The following ROR2 variants were observed in gnomAD, a reference collection of about 807,000 sequenced individuals.
The protein encoded by ROR2 is ROR family WNT receptor 2.
Under a neutral mutation model 74.9 loss-of-function variants are expected in ROR2, and 33 were observed. The ratio of observed to expected loss-of-function variants is 0.44; its 90% CI spans 0.33 to 0.59. The LOEUF (loss-of-function observed/expected upper bound fraction) is 0.59. ROR2 is among the 20% of genes least tolerant of loss of function. The probability of loss-of-function intolerance (pLI) is 0.02; values close to 1 mark genes in which losing one functional copy is unlikely to be tolerated. For missense variants in ROR2, 1,216 were observed against 1,313.8 expected, an observed-to-expected ratio of 0.93 and a Z score of 1.15; for synonymous variants, 586 against 558.7, an observed-to-expected ratio of 1.05 and a Z score of -0.69.
chr9:91,929,058 G>A (rs1439273264), intron 1 of ROR2, among the ~76,000 whole-genome samples: 1 of 152,244 alleles, frequency 6.6e-6, no homozygotes. Context: ...GGGCACTGTG[G>A]CTTTGTGCCT....
At chr9:91,919,514 T>A (rs1326338192) in intron 1 of ROR2, among the ~76,000 whole-genome samples, 1 of 152,184 alleles carries the variant, frequency 6.6e-6, no homozygotes, top group Non-Finnish European at 1.5e-5. Context: ...CTGCCCACCA[T>A]GAATCCTACA....
intron 1 of ROR2, among the ~76,000 whole-genome samples, chr9:91,902,702 C>T (rs979335131): frequency 2.6e-5 from 4 of 152,296 alleles, no homozygotes; most frequent in Admixed American, 6.5e-5. Flanking sequence ...AAGAAGAAAC[C>T]GCTTCATCAG....
intron 4 of ROR2, among the ~76,000 whole-genome samples, chr9:91,738,775 G>C (rs1160229778): frequency 6.6e-6 from 1 of 152,202 alleles, no homozygotes; most frequent in African/African-American, 2.4e-5. Context: ...CACAGGCGTA[G>C]GAGGTCAGAA....
chr9:91,783,247 GAC>G (rs1826683375), intron 1 of ROR2, among the ~76,000 whole-genome samples: 3 of 152,166 alleles, frequency 2.0e-5, no homozygotes, highest in Admixed American at 2.0e-4. Context: ...CACATTCTGA[GAC>G]ACAGAGGACT....
chr9:91,838,600 G>A (rs1334216196), intron 1 of ROR2, among the ~76,000 whole-genome samples: 1 of 152,180 alleles, frequency 6.6e-6, no homozygotes. Context: ...TACCACTGGG[G>A]AATGGGTCCC....
intron 1 of ROR2, among the ~76,000 whole-genome samples, chr9:91,856,618 G>A (rs1829296953): frequency 6.6e-6 from 1 of 152,170 alleles, no homozygotes; most frequent in South Asian, 2.1e-4. Flanking sequence ...GCAAGCCAAG[G>A]AGCAAGGCCT....
chr9:91,941,388 A>G (rs950352403), intron 1 of ROR2, among the ~76,000 whole-genome samples: 1 of 152,200 alleles, frequency 6.6e-6, no homozygotes, highest in African/African-American at 2.4e-5. Flanking sequence ...CAGGTTCACT[A>G]ATGTGTCACT....
Position 91,724,642 on chromosome 9 carries a change from T to C in ROR2, c.1852A>G (p.Thr618Ala). The change falls in exon 9 of 9, where the codon ACC (threonine) becomes GCC (alanine). Residue 618 changes from threonine (T) to alanine (A), a missense_variant. Physicochemically the swap from Thr to Ala is moderately conservative, Grantham distance 58. Transcript: ENST00000375708. ...TTGTCGTACACTAGCACATTGCGGG[T>C]GGCCAGGTCCTTGTGAACCACGTGG... ...SHHVVHKDLA[T>A]RNVLVYDKLN... 1 of 1,614,140 alleles carries C rather than the reference T, an allele frequency of 6.2e-7. No individual in the cohort carries two copies. Among genetic ancestry groups the C allele is most frequent in the Non-Finnish European group, 8.5e-7 (1 of 1,180,036 alleles).
intron 1 of ROR2, among the ~76,000 whole-genome samples, chr9:91,822,986 G>C (rs1828180004): frequency 6.6e-6 from 1 of 152,294 alleles, no homozygotes; most frequent in African/African-American, 2.4e-5. Context: ...TAATTCAAAG[G>C]TGCGACATTC....
intron 1 of ROR2, chr9:91,883,287 AG>A (rs1422639484): frequency 1.3e-5 from 2 of 152,256 alleles, no homozygotes; most frequent in Admixed American, 6.5e-5. Flanking sequence ...AAAGCTTCAC[AG>A]GAACTGGGGA....
In ROR2 at chr9:91,905,755, T is replaced by A. The variant is rs535566547; in HGVS notation, c.97+44112A>T. 1.1e-4 allele frequency among the ~76,000 whole-genome samples: 17 copies of A among 151,566 alleles called. No homozygotes were observed. The highest frequency in any genetic ancestry group is 8.4e-4 in the South Asian group (4 of 4,790). On this transcript the variant is annotated intron_variant, in intron 1 of 8. Coordinates refer to ENST00000375708, the MANE Select transcript of ROR2 (RefSeq NM_004560.4). This position sits in a 1 kb window ranked among gnomAD's most constrained non-coding sequence, Gnocchi z 5.3. Reference sequence around the variant, plus strand: ...GGGGTGGGGGGAGGGGCCATCACACTCTTTAGGGAGAGAAAATAGAAATTA... The same window carrying A: ...GGGGTGGGGGGAGGGGCCATCACACACTTTAGGGAGAGAAAATAGAAATTA...
chr9:91,929,872 T>C (rs1383318553), intron 1 of ROR2, among the ~76,000 whole-genome samples: 1 of 151,960 alleles, frequency 6.6e-6, no homozygotes, highest in East Asian at 1.9e-4. Context: ...ACCACAGAGT[T>C]TTCCCCGGGA....
intron 1 of ROR2, among the ~76,000 whole-genome samples, chr9:91,813,351 A>C (rs1827821718): frequency 6.6e-6 from 1 of 152,180 alleles, no homozygotes; most frequent in South Asian, 2.1e-4. Flanking sequence ...TGACTTGTCT[A>C]AATGTATTTA....
intron 1 of ROR2, among the ~76,000 whole-genome samples, chr9:91,781,657 G>A (rs1484588431): frequency 2.0e-5 from 3 of 152,164 alleles, no homozygotes; most frequent in Non-Finnish European, 2.9e-5. Context: ...TACCTAATTG[G>A]TAGTGGTCTT....
At position 91,905,519 on chromosome 9, in the gene ROR2, C is replaced by T. The variant is rs570427452; in HGVS notation, c.97+44348G>A. 5.3e-4 allele frequency among the ~76,000 whole-genome samples: 81 copies of T among 151,808 alleles called. No homozygotes were observed. Among genetic ancestry groups the T allele is most frequent in the Non-Finnish European group, 1.1e-3 (72 of 67,956 alleles). The stretch of plus-strand genomic sequence containing the variant: ...ATACACGACATACACAGACATCACA[C>T]ACTACACACAACCCAACATACACAG... On this transcript the variant is annotated intron_variant, in intron 1 of 8. Transcript: ENST00000375708. The surrounding 1 kb of genome is among the most constrained non-coding windows in gnomAD (Gnocchi z 5.3).
At chr9:91,859,823 T>TCAAA (rs372142490) in intron 1 of ROR2, among the ~76,000 whole-genome samples, 2,225 of 152,114 alleles carry the variant, frequency 0.015, 62 homozygotes, top group African/African-American at 0.05. Context: ...AGGCTCCGTC[T>TCAAA]CAAACAAACA....
chr9:91,897,446 C>T (rs1322081695), intron 1 of ROR2, among the ~76,000 whole-genome samples: 7 of 152,144 alleles, frequency 4.6e-5, no homozygotes, highest in African/African-American at 1.7e-4. Flanking sequence ...ATAATAGTCT[C>T]ATGGGGTTGG....
chr9:91,811,484 G>C (rs932780338), intron 1 of ROR2, among the ~76,000 whole-genome samples: 3 of 152,216 alleles, frequency 2.0e-5, no homozygotes, highest in Non-Finnish European at 4.4e-5. Flanking sequence ...TTGACATCTG[G>C]GGCCTTGCTG....
intron 1 of ROR2, among the ~76,000 whole-genome samples, chr9:91,824,039 G>T (rs1828213168): frequency 6.6e-6 from 1 of 152,362 alleles, no homozygotes; most frequent in African/African-American, 2.4e-5. Context: ...ATGAGCTGGT[G>T]CTTCACAGCA....
Sources: allele counts gnomAD v4.1 joint callset (sites outside exome capture counted in the v4.1 genomes callset), GRCh38; gene constraint gnomAD v4.1.1; non-coding constraint Gnocchi (gnomAD v3.1); transcripts MANE v1.5; gene names NCBI Gene and HGNC (gene_info 2026-07-23, HGNC 2026-07-21).